Variants in ZNRF2 observed in about 807,000 individuals in gnomAD.
ZNRF2 encodes the protein zinc and ring finger 2, also known as E3 ubiquitin-protein ligase ZNRF2.
ZNRF2 carries 16 observed loss-of-function variants against 20.4 expected under a neutral mutation model. The ratio of observed to expected loss-of-function variants is 0.79; its 90% CI spans 0.53 to 1.19. ZNRF2 has a LOEUF of 1.19. Among genes scored for constraint, ZNRF2 ranks in the 50% most tolerant of loss-of-function variants. The pLI, the probability that ZNRF2 is intolerant of heterozygous loss-of-function variation, is 0.00. For missense variants in ZNRF2, 363 were observed against 332.4 expected (o/e 1.09, Z -0.72); for synonymous variants, 178 against 144.9 (o/e 1.23, Z -1.64).
At chr7:30,317,097 A>C (rs1799387415) in intron 1 of ZNRF2, among the ~76,000 whole-genome samples, 1 of 152,184 alleles carries the variant, frequency 6.6e-6, no homozygotes, top group African/African-American at 2.4e-5. Context: ...AATTGTGGTT[A>C]TAATCACCAG....
chr7:30,350,275 A>G (rs1799942857), intron 2 of ZNRF2, among the ~76,000 whole-genome samples: 1 of 152,014 alleles, frequency 6.6e-6, no homozygotes, highest in Non-Finnish European at 1.5e-5. Flanking sequence ...CCAAGAGTAT[A>G]AACTTTTTTT....
At chr7:30,306,574 C>T in intron 1 of ZNRF2, among the ~76,000 whole-genome samples, 1 of 152,116 alleles carries the variant, frequency 6.6e-6, no homozygotes, top group Middle Eastern at 3.2e-3. Flanking sequence ...ATTCCAGTCA[C>T]TGAAATACTA....
At chr7:30,302,539 A>C (rs187521451) in intron 1 of ZNRF2, among the ~76,000 whole-genome samples, 1 of 149,846 alleles carries the variant, frequency 6.7e-6, no homozygotes, top group African/African-American at 2.5e-5. Context: ...TTAAAGTACT[A>C]TGTTTTTTTT....
At chr7:30,337,612 C>T (rs1336637619) in intron 2 of ZNRF2, among the ~76,000 whole-genome samples, 1 of 152,062 alleles carries the variant, frequency 6.6e-6, no homozygotes, top group Non-Finnish European at 1.5e-5. Context: ...TTTTCCAGGG[C>T]TATTCGTTCG....
chr7:30,311,454 A>G (rs1345446903), intron 1 of ZNRF2, among the ~76,000 whole-genome samples: 1 of 152,244 alleles, frequency 6.6e-6, no homozygotes, highest in Non-Finnish European at 1.5e-5. Context: ...TATAATGCAG[A>G]GTGAATTTCA....
At chr7:30,356,212 T>C (rs1336890389) in intron 3 of ZNRF2, among the ~76,000 whole-genome samples, 1 of 152,144 alleles carries the variant, frequency 6.6e-6, no homozygotes, top group Non-Finnish European at 1.5e-5. Flanking sequence ...TGGAATCTGC[T>C]TGACTCCAAA....
At chr7:30,353,925 A>G (rs974306530) in intron 2 of ZNRF2, among the ~76,000 whole-genome samples, 2 of 152,152 alleles carry the variant, frequency 1.3e-5, no homozygotes, top group Admixed American at 6.5e-5. Context: ...AGAATATACC[A>G]TATTACTTGG....
intron 1 of ZNRF2, among the ~76,000 whole-genome samples, chr7:30,308,512 G>T (rs756606374): frequency 5.3e-5 from 8 of 152,190 alleles, no homozygotes; most frequent in African/African-American, 1.9e-4. Context: ...CCCTCAATCA[G>T]AATCTCTGGG....
At chr7:30,345,815 A>G (rs1217126744) in intron 2 of ZNRF2, among the ~76,000 whole-genome samples, 1 of 152,152 alleles carries the variant, frequency 6.6e-6, no homozygotes, top group Non-Finnish European at 1.5e-5. Flanking sequence ...TTTAGACTTC[A>G]CATTAAGTTT....
intron 2 of ZNRF2, among the ~76,000 whole-genome samples, chr7:30,350,773 A>G (rs1275680964): frequency 1.3e-5 from 2 of 151,974 alleles, no homozygotes; most frequent in Non-Finnish European, 1.5e-5. Context: ...ATTATTTCAC[A>G]TTTCAGCTGC....
rs1036872408 is a variant in ZNRF2, at chr7:30,299,686, T to C, written c.469+13860T>C. On this transcript the variant is annotated intron_variant, in intron 1 of 4. Coordinates refer to ENST00000323037, the MANE Select transcript of ZNRF2 (RefSeq NM_147128.4). Reference sequence around the variant, plus strand: ...ATTCATTTACATACTTTTAAGTACATAGAAAAAAGTAGTTTCATTTTGTAT... The same window carrying C: ...ATTCATTTACATACTTTTAAGTACACAGAAAAAAGTAGTTTCATTTTGTAT... Among the ~76,000 whole-genome samples the C allele has an allele frequency of 2.6e-5, 4 of 152,088 alleles. No individual in the cohort carries two copies. In the South Asian group the frequency reaches 6.2e-4, roughly 24 times the overall value.
chr7:30,309,111 G>A (rs1407623812), intron 1 of ZNRF2, among the ~76,000 whole-genome samples: 1 of 151,942 alleles, frequency 6.6e-6, no homozygotes, highest in East Asian at 1.9e-4. Flanking sequence ...TTATTACTGA[G>A]GGCCTTTTTA....
chr7:30,343,110 C>T (rs1227582693), intron 2 of ZNRF2, among the ~76,000 whole-genome samples: 3 of 151,968 alleles, frequency 2.0e-5, no homozygotes, highest in Non-Finnish European at 2.9e-5. Flanking sequence ...GAGTTCAAGA[C>T]CCGACCAGCC....
At chr7:30,336,074 A>C (rs1224091757) in intron 2 of ZNRF2, among the ~76,000 whole-genome samples, 2 of 152,192 alleles carry the variant, frequency 1.3e-5, no homozygotes, top group Non-Finnish European at 2.9e-5. Flanking sequence ...GAAAATTATA[A>C]AATATGATTA....
At chr7:30,338,946 A>T (rs1051202048) in intron 2 of ZNRF2, among the ~76,000 whole-genome samples, 1 of 151,952 alleles carries the variant, frequency 6.6e-6, no homozygotes, top group Non-Finnish European at 1.5e-5. Flanking sequence ...GTTTCTTGAC[A>T]TTTTAATGAT....
intron 1 of ZNRF2, among the ~76,000 whole-genome samples, chr7:30,293,349 A>G (rs1201588083): frequency 6.6e-6 from 1 of 151,660 alleles, no homozygotes; most frequent in Non-Finnish European, 1.5e-5. Flanking sequence ...CCCAGGTTCA[A>G]GTGATTCTTG....
At chr7:30,362,561 G>A in intron 4 of ZNRF2, 105 bp downstream of exon 4, 2 of 573,102 alleles carry the variant, frequency 3.5e-6, no homozygotes, top group South Asian at 7.1e-5. Context: ...GAGTGTGTAT[G>A]TGTATGTTTC....
At chr7:30,312,307 GT>G (rs1799303689) in intron 1 of ZNRF2, among the ~76,000 whole-genome samples, 1 of 152,138 alleles carries the variant, frequency 6.6e-6, no homozygotes, top group Non-Finnish European at 1.5e-5. Flanking sequence ...TAGGTATTTT[GT>G]TGCATTTGAT....
chr7:30,353,713 C>T (rs1049827876), intron 2 of ZNRF2, among the ~76,000 whole-genome samples: 8 of 151,924 alleles, frequency 5.3e-5, no homozygotes, highest in African/African-American at 1.4e-4. Context: ...CGTCTAAAAT[C>T]GATGTTGCAT....
Sources: gnomAD v4.1 joint callset for allele counts (sites outside exome capture counted in the v4.1 genomes callset) on GRCh38, gnomAD v4.1.1 for gene constraint, MANE v1.5 for transcripts, NCBI Gene and HGNC (gene_info 2026-07-23, HGNC 2026-07-21) for gene names.